The following BTBD16 variants were observed in gnomAD, a reference collection of about 807,000 sequenced individuals.
The protein encoded by BTBD16 is BTB domain containing 16.
Under a neutral mutation model 67.4 loss-of-function variants are expected in BTBD16, and 66 were observed. The observed-to-expected ratio is 0.98, with a 90% CI of 0.80 to 1.20. BTBD16 has a LOEUF of 1.20. Among genes scored for constraint, BTBD16 ranks in the 50% most tolerant of loss-of-function variants. The probability of loss-of-function intolerance (pLI) is 0.00; values close to 1 mark genes in which losing one functional copy is unlikely to be tolerated. For synonymous variants in BTBD16, 242 were observed against 236.4 expected, an observed-to-expected ratio of 1.02 and a Z score of -0.22; for missense variants, 634 against 616.0, an observed-to-expected ratio of 1.03 and a Z score of -0.31.
At chr10:122,302,361 A>C (rs955764824) in intron 9 of BTBD16, among the ~76,000 whole-genome samples, 5 of 152,118 alleles carry the variant, frequency 3.3e-5, no homozygotes, top group African/African-American at 1.2e-4. Flanking sequence ...CTCTAATATT[A>C]AGAAGCTTTC....
chr10:122,291,129 C>T lies in BTBD16; in HGVS notation c.525C>T (p.Asn175=), dbSNP rs1221241754. ...KNLYMSEVEI[N]LEDLLGVLAS... ...TCTACATGAGTGAGGTGGAGATTAA[C>T]TTGGAAGACCTACTGGGAGTGCTGG... The change falls in exon 7 of 16, where the codon AAC becomes AAT. Residue 175 remains asparagine, a synonymous_variant. Transcript: ENST00000260723. The T allele has an allele frequency of 5.0e-6, 8 of 1,613,812 alleles. No individual in the cohort carries two copies. Among genetic ancestry groups the T allele is most frequent in the Middle Eastern group, 1.7e-4 (1 of 6,048 alleles).
At chr10:122,287,702 G>T (rs905089498) in intron 5 of BTBD16, among the ~76,000 whole-genome samples, 1 of 152,182 alleles carries the variant, frequency 6.6e-6, no homozygotes, top group Non-Finnish European at 1.5e-5. Context: ...AATATCATCT[G>T]TGTTGCTATC....
At chr10:122,296,239 G>A (rs1449791944) in intron 7 of BTBD16, among the ~76,000 whole-genome samples, 1 of 152,188 alleles carries the variant, frequency 6.6e-6, no homozygotes, top group Non-Finnish European at 1.5e-5. Flanking sequence ...AAGAATGTCT[G>A]TAGAGTAAAT....
rs768369884 is a variant in BTBD16, at chr10:122,336,558, G to A, written c.1328G>A (p.Arg443Gln). Residue 443 changes from arginine to glutamine, a missense_variant, in exon 15 of 16, where the codon CGA becomes CAA. Transcript: ENST00000260723. ...AVYEHNHVSL[R>Q]AARLVKYEIR... is the part of the protein sequence containing the mutation. Reference sequence around the variant, plus strand: ...TACGAGCACAACCACGTCAGCCTGCGAGCGGCACGCCTGGTGAAGTATGAG... The same window carrying A: ...TACGAGCACAACCACGTCAGCCTGCAAGCGGCACGCCTGGTGAAGTATGAG... The A allele has an allele frequency of 2.2e-5, 36 of 1,612,766 alleles. No individual in the cohort carries two copies. Among genetic ancestry groups the A allele is most frequent in the South Asian group, 4.4e-5 (4 of 90,796 alleles).
chr10:122,304,941 C>T (rs1342493639), intron 9 of BTBD16, among the ~76,000 whole-genome samples: 1 of 152,126 alleles, frequency 6.6e-6, no homozygotes, highest in African/African-American at 2.4e-5. Context: ...AGGACCTGAC[C>T]CTGCCACATA....
At chr10:122,280,593 A>T (rs114581587) in intron 3 of BTBD16, among the ~76,000 whole-genome samples, 1,857 of 149,100 alleles carry the variant, frequency 0.012, 47 homozygotes, top group African/African-American at 0.042. Flanking sequence ...ATTGTATTAT[A>T]TTATATTATT....
chr10:122,325,839 C>A (rs1332816247), intron 10 of BTBD16, among the ~76,000 whole-genome samples: 1 of 152,018 alleles, frequency 6.6e-6, no homozygotes, highest in East Asian at 1.9e-4. Context: ...CCATGCCTGG[C>A]TAATTTTTGT....
intron 10 of BTBD16, among the ~76,000 whole-genome samples, chr10:122,318,792 G>T (rs1383121398): frequency 6.6e-6 from 1 of 152,138 alleles, no homozygotes; most frequent in African/African-American, 2.4e-5. Context: ...TGCCATGGTG[G>T]CCAGGCTGGT....
rs529793495 is a variant in BTBD16 at position 122,298,895 on chromosome 10, G to A, written c.661-109G>A. ...TGTATTTTGTAGAAAAGGTTTGAGC[G>A]CCTCTGCAGTGACTCTCCCTCTGAG... On this transcript the variant is annotated intron_variant, in intron 8 of 15. Transcript: ENST00000260723. The A allele has an allele frequency of 2.3e-5, 32 of 1,407,004 alleles. 2 individuals carry two copies. In the South Asian group the frequency reaches 3.2e-4, roughly 14 times the overall value. The allele number at this position is 1,407,004 out of a possible 1,614,324, so 87.2% of individuals were successfully genotyped here. A position where few individuals can be genotyped will look rare whatever the true frequency, so the allele number is the denominator to read the frequency against.
rs189293919 is a variant in BTBD16 at position 122,319,230 on chromosome 10, G to A, written c.912-10250G>A. On this transcript the variant is annotated intron_variant, in intron 10 of 15. Coordinates refer to ENST00000260723, the MANE Select transcript of BTBD16 (RefSeq NM_144587.5). ...TTGAATATCAGAAGTTTTTTATTTT[G>A]ATGTTCAATGTGTTGACTTTTTTCT... Among the ~76,000 whole-genome samples, 700 of 151,984 alleles carry A rather than the reference G, an allele frequency of 4.6e-3. 4 individuals carry two copies. The highest frequency in any genetic ancestry group is 8.0e-3 in the Non-Finnish European group (543 of 67,966).
At chr10:122,317,230 C>T (rs1422652990) in intron 10 of BTBD16, among the ~76,000 whole-genome samples, 1 of 152,170 alleles carries the variant, frequency 6.6e-6, no homozygotes, top group African/African-American at 2.4e-5. Flanking sequence ...TAACACTTAG[C>T]TTAAAACACA....
intron 6 of BTBD16, 34 bp downstream of exon 6, chr10:122,290,032 C>A: frequency 7.1e-7 from 1 of 1,411,636 alleles, no homozygotes; most frequent in Non-Finnish European, 9.9e-7. Context: ...CTGAGAATGC[C>A]ATTGAACAAA....
At chr10:122,303,924 C>G (rs1160160142) in intron 9 of BTBD16, among the ~76,000 whole-genome samples, 1 of 152,180 alleles carries the variant, frequency 6.6e-6, no homozygotes, top group African/African-American at 2.4e-5. Flanking sequence ...GAGGAATTTA[C>G]TTTAATAATT....
At chr10:122,283,324 T>C (rs2096356847) in intron 3 of BTBD16, among the ~76,000 whole-genome samples, 2 of 152,224 alleles carry the variant, frequency 1.3e-5, no homozygotes, top group Non-Finnish European at 1.5e-5. Flanking sequence ...ACACTCAGCA[T>C]GCTGGCTTGG....
intron 10 of BTBD16, among the ~76,000 whole-genome samples, chr10:122,314,207 A>G (rs1024385752): frequency 2.0e-5 from 3 of 152,174 alleles, no homozygotes; most frequent in African/African-American, 7.2e-5. Context: ...AATGGTATAA[A>G]TCTCCATTTA....
intron 10 of BTBD16, among the ~76,000 whole-genome samples, chr10:122,329,072 T>C (rs1040229465): frequency 6.6e-5 from 10 of 152,168 alleles, no homozygotes; most frequent in Non-Finnish European, 4.4e-5. Flanking sequence ...AGCCTCTTTT[T>C]CCCATCTGTA....
At chr10:122,322,338 G>C (rs797013673) in intron 10 of BTBD16, among the ~76,000 whole-genome samples, 1 of 152,014 alleles carries the variant, frequency 6.6e-6, no homozygotes, top group South Asian at 2.1e-4. Context: ...TGCATCCCAC[G>C]AGTTTTGATA....
Position 122,331,390 on chromosome 10 carries a change from A to G in BTBD16, c.1086+132A>G, listed in dbSNP as rs1444417773. The G allele has an allele frequency of 3.0e-6, 4 of 1,328,864 alleles. No individual in the cohort carries two copies. The South Asian group carries it at 5.4e-5, about 18-fold the overall frequency. 82.3% of individuals were successfully genotyped at this position (1,328,864 alleles called of 1,614,324 possible). ...TCAGGACATATCTGGATCATCTTCCAGGGAAAGTGGGGAGAGCAGTGCCTG... is the reference window on the plus strand; with the variant it reads ...TCAGGACATATCTGGATCATCTTCCGGGGAAAGTGGGGAGAGCAGTGCCTG... On this transcript the variant is annotated intron_variant, in intron 12 of 15. Coordinates refer to ENST00000260723, the MANE Select transcript of BTBD16 (RefSeq NM_144587.5).
intron 7 of BTBD16, chr10:122,295,480 G>C: frequency 1.0e-6 from 1 of 985,428 alleles, no homozygotes; most frequent in Non-Finnish European, 1.2e-6. Context: ...GGGCTTGGGA[G>C]GGGAGAGTGG....
Sources: gnomAD v4.1 joint callset for allele counts (sites outside exome capture counted in the v4.1 genomes callset) on GRCh38, gnomAD v4.1.1 for gene constraint, MANE v1.5 for transcripts, NCBI Gene and HGNC (gene_info 2026-07-23, HGNC 2026-07-21) for gene names.